ELFN2: variants seen among roughly 807,000 people sequenced by gnomAD.
ELFN2 encodes the protein protein phosphatase 1 regulatory subunit 29.
A neutral mutation model predicts 45.5 loss-of-function variants in ELFN2; 17 were observed. That is an observed-to-expected ratio of 0.37 (90% confidence interval 0.26 to 0.56). The LOEUF (loss-of-function observed/expected upper bound fraction) is 0.56. Ranked by LOEUF, ELFN2 falls within the 20% of genes least tolerant of loss-of-function variation. The pLI, the probability that ELFN2 is intolerant of heterozygous loss-of-function variation, is 0.77. For missense variants in ELFN2, 922 were observed against 1,183.2 expected (o/e 0.78, Z 3.24); for synonymous variants, 550 against 551.5 (o/e 1.00, Z 0.04).
At chr22:37,405,180 C>T (rs1042103968) in intron 2 of ELFN2, among the ~76,000 whole-genome samples, 1 of 150,820 alleles carries the variant, frequency 6.6e-6, no homozygotes, top group Non-Finnish European at 1.5e-5. Context: ...GCAACCTCCG[C>T]CTCCCGGGTT....
In ELFN2 at chr22:37,405,842, G is replaced by C. The variant is rs887729333; in HGVS notation, c.-463+11927C>G. ...TTTAGGAAAAAAAAAAAGGGTGGAGGGGGGGTGGTCCTGGGCAGGCACAAT... is the reference window on the plus strand; with the variant it reads ...TTTAGGAAAAAAAAAAAGGGTGGAGCGGGGGTGGTCCTGGGCAGGCACAAT... On this transcript the variant is annotated intron_variant, in intron 2 of 2. Transcript: ENST00000402918. 3.3e-5 allele frequency among the ~76,000 whole-genome samples: 5 copies of C among 150,468 alleles called. No homozygotes were observed. In the East Asian group the frequency reaches 5.8e-4, roughly 18 times the overall value.
At chr22:37,381,584 T>C (rs1931771007) in intron 2 of ELFN2, among the ~76,000 whole-genome samples, 1 of 151,084 alleles carries the variant, frequency 6.6e-6, no homozygotes, top group Non-Finnish European at 1.5e-5. Flanking sequence ...AACTCACTCC[T>C]CACCCAACCC....
chr22:37,375,050 C>T lies in ELFN2; in HGVS notation c.485G>A (p.Arg162His), dbSNP rs749986424. 12 of 1,613,370 alleles carry T rather than the reference C, an allele frequency of 7.4e-6. No homozygotes were observed. The highest frequency in any genetic ancestry group is 4.5e-5 in the East Asian group (2 of 44,886). ...GGTGGCACCGTCCAGGCGGCTGAGG[C>T]GGTTGGAGGACAGGTCGATGCTGAT... Reference protein sequence around the residue: ...SLISIDLSSNRLSRLDGATFA... With the variant: ...SLISIDLSSNHLSRLDGATFA... Residue 162 changes from arginine to histidine, a missense_variant, in exon 3 of 3, where the codon CGC becomes CAC. Arg to His is a conservative substitution (Grantham distance 29). Transcript: ENST00000402918.
At chr22:37,418,828 G>A (rs1235968743) in intron 1 of ELFN2, 3 of 152,324 alleles carry the variant, frequency 2.0e-5, no homozygotes, top group South Asian at 2.1e-4. Context: ...CCACCTTCCC[G>A]CCACATGGGC....
At chr22:37,363,864 G>T (rs1284239687), downstream of ELFN2, among the ~76,000 whole-genome samples, 1 of 152,236 alleles carries the variant, frequency 6.6e-6, no homozygotes, top group Non-Finnish European at 1.5e-5. Flanking sequence ...ACCCACAGGT[G>T]CAGGGTTGGG....
At chr22:37,413,852 A>G (rs1447778894) in intron 2 of ELFN2, among the ~76,000 whole-genome samples, 1 of 152,150 alleles carries the variant, frequency 6.6e-6, no homozygotes, top group Non-Finnish European at 1.5e-5. Flanking sequence ...TGTGATTTTG[A>G]CTCGGCATCC....
Position 37,362,760 on chromosome 22 carries a change from C to T in ELFN2, n.149-20057G>A, listed in dbSNP as rs570606005. ...TAAAGCCCCTACTTCATGGAGCTGC[C>T]GAGGAAATAAACACACCCTGGTCCA... On this transcript the variant is annotated intron_variant and non_coding_transcript_variant, in intron 1 of 2. Transcript: ENST00000452946. Among the ~76,000 whole-genome samples the T allele has an allele frequency of 5.3e-5, 8 of 152,246 alleles. No individual in the cohort carries two copies. The East Asian group carries it at 1.3e-3, about 26-fold the overall frequency.
At chr22:37,384,579 A>T (rs1601752957) in intron 2 of ELFN2, among the ~76,000 whole-genome samples, 1 of 13,350 alleles carries the variant, frequency 7.5e-5, no homozygotes, top group Non-Finnish European at 1.4e-4. Context: ...GCCACTCCCC[A>T]CTTGCCCTTG....
At chr22:37,386,260 C>G (rs533596957) in intron 2 of ELFN2, among the ~76,000 whole-genome samples, 1 of 152,294 alleles carries the variant, frequency 6.6e-6, no homozygotes, top group South Asian at 2.1e-4. Flanking sequence ...CACACCACAG[C>G]TCACCAAGGG....
intron 1 of ELFN2, among the ~76,000 whole-genome samples, chr22:37,344,471 G>A (rs987009549): frequency 3.9e-5 from 6 of 151,976 alleles, no homozygotes; most frequent in African/African-American, 1.4e-4. Context: ...AGGAGGGGCA[G>A]CAAGACCCAG....
At position 37,373,669 on chromosome 22, in the gene ELFN2, C is replaced by G; in HGVS notation, c.1866G>C (p.Ala622=). ...HPLQRQLSAD[A]AVTRKTCSVS... is the part of the protein sequence containing the mutation. ...CGCTGCAGGTCTTGCGGGTCACGGC[C>G]GCGTCGGCGCTCAGCTGGCGCTGTA... The change falls in exon 3 of 3, where the codon GCG becomes GCC. Residue 622 remains alanine, a synonymous_variant. Transcript: ENST00000402918. 1 of 1,572,306 alleles carries G rather than the reference C, an allele frequency of 6.4e-7. No individual in the cohort carries two copies. Among genetic ancestry groups the G allele is most frequent in the Non-Finnish European group, 8.6e-7 (1 of 1,161,512 alleles).
At position 37,417,862 on chromosome 22, in the gene ELFN2, G is replaced by C. The variant is rs190678253; in HGVS notation, c.-556C>G. ...GCAGCAGCGGCAGCAGTAGCAATGA[G>C]ATCTCAGGTCCTGGCCCAGCCCGGG... On this transcript the variant is annotated 5_prime_UTR_variant, in exon 2 of 3. It adds an upstream start codon to the 5' untranslated region. Transcript: ENST00000402918. This position sits in a 1 kb window ranked among gnomAD's most constrained non-coding sequence, Gnocchi z 4.5. 6.5e-6 allele frequency: 1 copy of C among 152,770 alleles called. No homozygotes were observed. The highest frequency in any genetic ancestry group is 1.9e-4 in the East Asian group (1 of 5,198). 9.5% of individuals were successfully genotyped at this position (152,770 alleles called of 1,614,324 possible).
chr22:37,426,966 G>A (rs959692076), intron 1 of ELFN2: 2 of 152,282 alleles, frequency 1.3e-5, no homozygotes, highest in African/African-American at 2.4e-5. Flanking sequence ...GAGGTGCAGT[G>A]TGGCACCGGC....
chr22:37,357,782 T>C (rs1318974032), intron 1 of ELFN2, among the ~76,000 whole-genome samples: 1 of 152,232 alleles, frequency 6.6e-6, no homozygotes, highest in Non-Finnish European at 1.5e-5. Context: ...TGGGCCCTTC[T>C]GTTTTTACCA....
chr22:37,386,188 A>C (rs2145652140), intron 2 of ELFN2, among the ~76,000 whole-genome samples: 1 of 152,262 alleles, frequency 6.6e-6, no homozygotes, highest in East Asian at 1.9e-4. Flanking sequence ...CAGCTGGCCT[A>C]GCCTAGGTGC....
chr22:37,363,437 C>T (rs549955534), downstream of ELFN2, among the ~76,000 whole-genome samples: 4 of 152,280 alleles, frequency 2.6e-5, no homozygotes, highest in South Asian at 8.3e-4. Context: ...GTTTCACCCC[C>T]CTGGGAACTC....
In ELFN2 at chr22:37,417,758, C is replaced by T. The variant is rs1932777187; in HGVS notation, c.-463+11G>A. ...GCGACACACACACAGGCAAAAGGACCCTGTCCTTACCAGATGTCTGCAGCA... is the reference window on the plus strand; with the variant it reads ...GCGACACACACACAGGCAAAAGGACTCTGTCCTTACCAGATGTCTGCAGCA... On this transcript the variant is annotated intron_variant, in intron 2 of 2. Coordinates refer to ENST00000402918, the MANE Select transcript of ELFN2 (RefSeq NM_052906.5). This position sits in a 1 kb window ranked among gnomAD's most constrained non-coding sequence, Gnocchi z 4.5. 1 of 152,498 alleles carries T rather than the reference C, an allele frequency of 6.6e-6. No homozygotes were observed. 9.4% of individuals were successfully genotyped at this position (152,498 alleles called of 1,614,324 possible).
intron 2 of ELFN2, among the ~76,000 whole-genome samples, chr22:37,413,038 G>A (rs891461162): frequency 7.9e-5 from 12 of 152,180 alleles, no homozygotes; most frequent in African/African-American, 2.9e-4. Flanking sequence ...GCCTCTGTTT[G>A]GTCGTTTGCA....
intron 2 of ELFN2, among the ~76,000 whole-genome samples, chr22:37,385,775 C>A (rs560348756): frequency 1.8e-4 from 27 of 152,314 alleles, no homozygotes; most frequent in African/African-American, 6.0e-4. Context: ...GCCCCCCTCC[C>A]CTATCCTCCT....
Sources: gnomAD v4.1 joint callset for allele counts (sites outside exome capture counted in the v4.1 genomes callset) on GRCh38, gnomAD v4.1.1 for gene constraint, Gnocchi (gnomAD v3.1) non-coding constraint, MANE v1.5 for transcripts, NCBI Gene and HGNC (gene_info 2026-07-23, HGNC 2026-07-21) for gene names.